The following MCPH1 variants were observed in gnomAD, a reference collection of about 807,000 sequenced individuals.
The protein encoded by MCPH1 is microcephalin 1.
Under a neutral mutation model 84.5 loss-of-function variants are expected in MCPH1, and 104 were observed. The observed-to-expected ratio is 1.23, with a 90% confidence interval of 1.05 to 1.45. MCPH1 has a LOEUF of 1.45. MCPH1 is among the 40% of genes most tolerant of loss of function. MCPH1 has a pLI of 0.00. For synonymous variants in MCPH1, 514 were observed against 366.8 expected (o/e 1.40, Z -4.58); for missense variants, 1,498 against 1,005.7 (o/e 1.49, Z -6.62).
chr8:6,637,538 C>T (rs1474059635), intron 13 of MCPH1, among the ~76,000 whole-genome samples: 1 of 152,198 alleles, frequency 6.6e-6, no homozygotes, highest in Admixed American at 6.5e-5. Flanking sequence ...TTCCAGACCA[C>T]TGACACCTTA....
At chr8:6,420,923 T>A (rs1417789871) in intron 3 of MCPH1, among the ~76,000 whole-genome samples, 1 of 152,082 alleles carries the variant, frequency 6.6e-6, no homozygotes, top group Non-Finnish European at 1.5e-5. Flanking sequence ...GAGCAGAAGT[T>A]TATTTAAAAG....
intron 12 of MCPH1, among the ~76,000 whole-genome samples, chr8:6,617,900 A>AATCAATCTATCTATCT (rs1554480976): frequency 6.3e-5 from 9 of 143,134 alleles, no homozygotes; most frequent in East Asian, 2.1e-4. Flanking sequence ...CTATCTATCT[A>AATCAATCTATCTATCT]ATCTATCTAT....
chr8:6,629,779 GA>G (rs1475630615), intron 13 of MCPH1, among the ~76,000 whole-genome samples: 3 of 152,244 alleles, frequency 2.0e-5, no homozygotes, highest in Non-Finnish European at 4.4e-5. Flanking sequence ...GCAGGAAACT[GA>G]GGGCCTCTGA....
chr8:6,454,896 G>A (rs1156958279), intron 8 of MCPH1, among the ~76,000 whole-genome samples: 8 of 152,260 alleles, frequency 5.3e-5, no homozygotes, highest in East Asian at 1.9e-4. Context: ...TCAAATGGAC[G>A]GAGTTGATGC....
At chr8:6,415,358 GGT>G (rs1799121767) in intron 3 of MCPH1, among the ~76,000 whole-genome samples, 2 of 149,966 alleles carry the variant, frequency 1.3e-5, no homozygotes, top group African/African-American at 4.9e-5. Flanking sequence ...CTGGATCTTG[GGT>G]CACTGCAGCC....
chr8:6,472,699 C>G (rs1807905030), intron 9 of MCPH1, among the ~76,000 whole-genome samples: 1 of 152,140 alleles, frequency 6.6e-6, no homozygotes, highest in African/African-American at 2.4e-5. Flanking sequence ...AACTCCTGAC[C>G]TCAGGTAATC....
At chr8:6,421,765 T>C (rs548646268) in intron 3 of MCPH1, among the ~76,000 whole-genome samples, 3 of 152,308 alleles carry the variant, frequency 2.0e-5, no homozygotes, top group South Asian at 4.1e-4. Flanking sequence ...TACAGAAGTT[T>C]GCTGACCCAG....
intron 12 of MCPH1, among the ~76,000 whole-genome samples, chr8:6,534,872 C>T (rs1426234062): frequency 6.6e-6 from 1 of 152,072 alleles, no homozygotes; most frequent in African/African-American, 2.4e-5. Flanking sequence ...TAAAAGAAGC[C>T]ATAAATAGCA....
intron 12 of MCPH1, chr8:6,532,477 T>A (rs199554025): frequency 7.3e-5 from 117 of 1,612,062 alleles, no homozygotes; most frequent in Admixed American, 5.2e-4. Context: ...GTCCTGGATA[T>A]AATTCTCAAG....
chr8:6,497,850 A>G (rs1337341094), intron 11 of MCPH1, among the ~76,000 whole-genome samples: 2 of 152,358 alleles, frequency 1.3e-5, no homozygotes, highest in East Asian at 1.9e-4. Context: ...TAATAGATAC[A>G]TTGATTTGAA....
intron 9 of MCPH1, among the ~76,000 whole-genome samples, chr8:6,464,997 CAG>C (rs1806694480): frequency 2.8e-5 from 4 of 140,378 alleles, no homozygotes; most frequent in Admixed American, 7.0e-5. Flanking sequence ...GATTCCATCT[CAG>C]AAAAAAAAAA....
Position 6,500,220 on chromosome 8 carries a change from G to A in MCPH1, c.2214+291G>A, listed in dbSNP as rs1811881483. 4 of 403,484 alleles carry A rather than the reference G, an allele frequency of 9.9e-6. No homozygotes were observed. The East Asian group carries it at 1.6e-4, about 16-fold the overall frequency. The allele number at this position is 403,484 out of a possible 1,614,324, so 25.0% of individuals were successfully genotyped here. A position where few individuals can be genotyped will look rare whatever the true frequency, so the allele number is the denominator to read the frequency against. On this transcript the variant is annotated intron_variant, in intron 12 of 13. Transcript: ENST00000344683. ...TGAAAAAAGACTGAATTCTTGGGCA[G>A]GTAGTCTTATATCTTGCTTAATGTT...
chr8:6,467,841 A>G (rs146503331), intron 9 of MCPH1, among the ~76,000 whole-genome samples: 2,182 of 151,996 alleles, frequency 0.014, 56 homozygotes, highest in African/African-American at 0.051. Flanking sequence ...CAAACCATCC[A>G]CTCGCCTGGG....
intron 9 of MCPH1, among the ~76,000 whole-genome samples, chr8:6,464,805 C>G (rs1806669652): frequency 6.6e-6 from 1 of 152,180 alleles, no homozygotes; most frequent in Non-Finnish European, 1.5e-5. Context: ...TGAGACCAGC[C>G]TGGCCAACAT....
At chr8:6,584,419 T>C (rs1328735602) in intron 12 of MCPH1, among the ~76,000 whole-genome samples, 1 of 152,238 alleles carries the variant, frequency 6.6e-6, no homozygotes, top group East Asian at 1.9e-4. Flanking sequence ...ACACAGCAGA[T>C]GGAGATTATT....
At chr8:6,533,803 T>C (rs528401454) in intron 12 of MCPH1, among the ~76,000 whole-genome samples, 2 of 152,276 alleles carry the variant, frequency 1.3e-5, no homozygotes, top group Admixed American at 1.3e-4. Flanking sequence ...GAGTCAGTCA[T>C]CAGACATGAT....
At position 6,414,826 on chromosome 8, in the gene MCPH1, C is replaced by T. The variant is rs1333885096; in HGVS notation, c.176C>T (p.Thr59Ile). The change falls in exon 3 of 14, where the codon ACT becomes ATT. Residue 59 changes from threonine (T) to isoleucine (I), a missense_variant. Coordinates refer to ENST00000344683, the MANE Select transcript of MCPH1 (RefSeq NM_024596.5). ...ATCTTCAAAGATGGCTACCAGAGCA[C>T]TTGGGACAAAGCTCAGAAGAGAGGC... ...HVIFKDGYQSTWDKAQKRGVK... is the reference protein window; with the variant it reads ...HVIFKDGYQSIWDKAQKRGVK... 2 of 1,613,784 alleles carry T rather than the reference C, an allele frequency of 1.2e-6. No individual in the cohort carries two copies. Among genetic ancestry groups the T allele is most frequent in the Non-Finnish European group, 1.7e-6 (2 of 1,179,884 alleles).
intron 12 of MCPH1, among the ~76,000 whole-genome samples, chr8:6,541,755 A>C (rs945821229): frequency 1.3e-5 from 2 of 152,160 alleles, no homozygotes; most frequent in Non-Finnish European, 1.5e-5. Context: ...TGTAATCCCA[A>C]TACTTTAGGG....
rs188117902 is a variant in MCPH1 at position 6,524,370 on chromosome 8, G to A, written c.2214+24441G>A. ...CTATACATTTCACTAGCTTTTCTGC[G>A]AAGGCATATGAAGAGCAGAGAAACA... On this transcript the variant is annotated intron_variant, in intron 12 of 13. Transcript: ENST00000344683. Among the ~76,000 whole-genome samples the A allele has an allele frequency of 7.2e-5, 11 of 152,262 alleles. No individual in the cohort carries two copies. The East Asian group carries it at 1.9e-3, about 27-fold the overall frequency.
Sources: allele counts gnomAD v4.1 joint callset (sites outside exome capture counted in the v4.1 genomes callset), GRCh38; gene constraint gnomAD v4.1.1; transcripts MANE v1.5; gene names NCBI Gene and HGNC (gene_info 2026-07-23, HGNC 2026-07-21).